Variants in KLF12 observed in about 807,000 individuals in gnomAD.
The protein encoded by KLF12 is KLF transcription factor 12, also known as Krueppel-like factor 12.
A neutral mutation model predicts 37.8 loss-of-function variants in KLF12; 9 were observed. The ratio of observed to expected loss-of-function variants is 0.24; its 90% CI spans 0.14 to 0.42. The LOEUF (loss-of-function observed/expected upper bound fraction) is 0.42, where lower values mean the gene tolerates loss of function less well. Among genes scored for constraint, KLF12 ranks in the 10% least tolerant of loss-of-function variants. The pLI, the probability that KLF12 is intolerant of heterozygous loss-of-function variation, is 1.00. For missense variants in KLF12, 411 were observed against 516.0 expected (o/e 0.80, Z 1.97); for synonymous variants, 208 against 202.1 (o/e 1.03, Z -0.25).
At chr13:73,974,320 A>AAAAAAAAT (rs397704620) in intron 2 of KLF12, among the ~76,000 whole-genome samples, 1 of 151,508 alleles carries the variant, frequency 6.6e-6, no homozygotes, top group Admixed American at 6.6e-5. Context: ...CAAAAAAAAA[A>AAAAAAAAT]GAATTCTGCA....
At position 73,847,440 on chromosome 13, in the gene KLF12, C is replaced by A. The variant is rs1460903424; in HGVS notation, c.124-1067G>T. 5.3e-5 allele frequency among the ~76,000 whole-genome samples: 8 copies of A among 152,052 alleles called. No homozygotes were observed. In the South Asian group the frequency reaches 1.5e-3, roughly 28 times the overall value. ...TAATAAAAGATTTTGGTGTGCTATT[C>A]CCCCTAAAACTTCGGCATACATTTA... On this transcript the variant is annotated intron_variant, in intron 3 of 7. Coordinates refer to ENST00000377669, the MANE Select transcript of KLF12 (RefSeq NM_007249.5).
chr13:73,972,725 C>T (rs1447473148), intron 2 of KLF12, among the ~76,000 whole-genome samples: 1 of 150,382 alleles, frequency 6.6e-6, no homozygotes, highest in Non-Finnish European at 1.5e-5. Context: ...CTTGCCCCAG[C>T]GTGACCCACT....
chr13:74,195,278 A>G, the KLF12 span, among the ~76,000 whole-genome samples: 1 of 152,210 alleles, frequency 6.6e-6, no homozygotes, highest in East Asian at 1.9e-4. Context: ...GGTTTATACA[A>G]TCTTTGAGAG....
intron 2 of KLF12, among the ~76,000 whole-genome samples, chr13:73,964,087 C>A (rs908999021): frequency 6.6e-6 from 1 of 152,198 alleles, no homozygotes; most frequent in Non-Finnish European, 1.5e-5. Context: ...TGACAGATTC[C>A]TTCTGAAGTA....
intron 3 of KLF12, among the ~76,000 whole-genome samples, chr13:73,893,080 C>A (rs544659344): frequency 6.6e-6 from 1 of 151,750 alleles, no homozygotes; most frequent in African/African-American, 2.4e-5. Flanking sequence ...ATTATCAGCC[C>A]CCAAAGCAGG....
chr13:73,969,560 T>C (rs555685346), intron 2 of KLF12, among the ~76,000 whole-genome samples: 22 of 152,196 alleles, frequency 1.4e-4, no homozygotes, highest in Non-Finnish European at 3.1e-4. Flanking sequence ...CTCATTCAAG[T>C]GTGGGTCTGC....
intron 1 of KLF12, among the ~76,000 whole-genome samples, chr13:74,093,513 A>C (rs1018238805): frequency 2.6e-5 from 4 of 152,178 alleles, no homozygotes; most frequent in Non-Finnish European, 4.4e-5. Context: ...GCAAAGCTGG[A>C]ATTCCTTTTA....
upstream of KLF12, among the ~76,000 whole-genome samples, chr13:74,135,927 C>G (rs1180244610): frequency 6.6e-6 from 1 of 152,168 alleles, no homozygotes; most frequent in Non-Finnish European, 1.5e-5. Flanking sequence ...CCACTTCAGG[C>G]GCGGTGTGCG....
chr13:74,187,718 T>C, the KLF12 span, among the ~76,000 whole-genome samples: 1 of 152,192 alleles, frequency 6.6e-6, no homozygotes, highest in Non-Finnish European at 1.5e-5. Context: ...AACATTTTCC[T>C]GCTCCCTGAA....
chr13:74,276,240 G>A, the KLF12 span, among the ~76,000 whole-genome samples: 2 of 151,846 alleles, frequency 1.3e-5, no homozygotes, highest in Non-Finnish European at 2.9e-5. Flanking sequence ...TTGGTTTTCT[G>A]TTCCTGTGTT....
intron 3 of KLF12, among the ~76,000 whole-genome samples, chr13:73,899,150 T>G (rs1276965429): frequency 6.6e-6 from 1 of 152,198 alleles, no homozygotes; most frequent in Non-Finnish European, 1.5e-5. Context: ...TCATGGCCAC[T>G]GGGAGACTGA....
At chr13:74,288,821 G>C in the KLF12 span, among the ~76,000 whole-genome samples, 1 of 152,160 alleles carries the variant, frequency 6.6e-6, no homozygotes, top group Admixed American at 6.5e-5. Flanking sequence ...TGCAGCACTA[G>C]GGGAGTAGAG....
At chr13:74,215,456 G>C in the KLF12 span, among the ~76,000 whole-genome samples, 26 of 115,158 alleles carry the variant, frequency 2.3e-4, no homozygotes, top group Non-Finnish European at 3.0e-4. Flanking sequence ...TTTTTTTCCA[G>C]GAACTGAAAG....
intron 1 of KLF12, among the ~76,000 whole-genome samples, chr13:74,116,807 A>T (rs1386265029): frequency 1.3e-5 from 2 of 152,018 alleles, no homozygotes; most frequent in African/African-American, 4.8e-5. Flanking sequence ...TATCTAGCAG[A>T]TTATAAAATA....
chr13:74,195,741 G>T, the KLF12 span, among the ~76,000 whole-genome samples: 2 of 152,048 alleles, frequency 1.3e-5, no homozygotes, highest in Non-Finnish European at 2.9e-5. Context: ...TGGGATTATA[G>T]GCACACACCA....
At chr13:73,951,131 T>C (rs1224391209) in intron 2 of KLF12, among the ~76,000 whole-genome samples, 1 of 152,230 alleles carries the variant, frequency 6.6e-6, no homozygotes, top group Non-Finnish European at 1.5e-5. Flanking sequence ...ATTTTACAAA[T>C]TATGATAACA....
chr13:74,248,301 A>G, the KLF12 span, among the ~76,000 whole-genome samples: 273 of 152,302 alleles, frequency 1.8e-3, 1 homozygote, highest in African/African-American at 6.4e-3. Flanking sequence ...ATGAGGAAAC[A>G]TGCAGGTGGC....
intron 2 of KLF12, among the ~76,000 whole-genome samples, chr13:73,989,549 T>A (rs1891911239): frequency 6.6e-6 from 1 of 152,128 alleles, no homozygotes; most frequent in African/African-American, 2.4e-5. Flanking sequence ...CAGGAGCCCT[T>A]CACTTAAGGG....
At chr13:73,749,436 T>C (rs567923192) in intron 6 of KLF12, among the ~76,000 whole-genome samples, 28 of 152,116 alleles carry the variant, frequency 1.8e-4, no homozygotes, top group African/African-American at 6.7e-4. Flanking sequence ...TTCATTAACA[T>C]ACACAAGAGA....
Sources: allele counts gnomAD v4.1 joint callset (sites outside exome capture counted in the v4.1 genomes callset), GRCh38; gene constraint gnomAD v4.1.1; transcripts MANE v1.5; gene names NCBI Gene and HGNC (gene_info 2026-07-23, HGNC 2026-07-21).